The following RCAN3 variants were observed in gnomAD, a reference collection of about 807,000 sequenced individuals.
RCAN3 encodes the protein calcipressin-3.
RCAN3 carries 19 observed loss-of-function variants against 21.9 expected under a neutral mutation model. The ratio of observed to expected loss-of-function variants is 0.87; its 90% CI spans 0.61 to 1.27. The LOEUF (loss-of-function observed/expected upper bound fraction) is 1.27, where lower values mean the gene tolerates loss of function less well. RCAN3 is among the 50% of genes most tolerant of loss of function. RCAN3 has a pLI of 0.00. For missense variants in RCAN3, 240 were observed against 300.1 expected, an observed-to-expected ratio of 0.80 and a Z score of 1.48; for synonymous variants, 114 against 112.3, an observed-to-expected ratio of 1.01 and a Z score of -0.09.
At chr1:24,504,707 A>G (rs893771520) in intron 1 of RCAN3, among the ~76,000 whole-genome samples, 2 of 152,208 alleles carry the variant, frequency 1.3e-5, no homozygotes, top group Non-Finnish European at 2.9e-5. Context: ...TCTAAAGTTC[A>G]ACACCGTTTG....
chr1:24,534,582 G>A (rs1236165794), intron 4 of RCAN3, among the ~76,000 whole-genome samples: 2 of 151,294 alleles, frequency 1.3e-5, no homozygotes, highest in African/African-American at 4.9e-5. Context: ...ACTCCAGCCT[G>A]GGCGACAGAG....
rs1216013428 is a variant in RCAN3, at chr1:24,535,855, G to A, written c.*578G>A. The A allele has an allele frequency of 6.6e-6, 1 of 152,164 alleles. No individual in the cohort carries two copies. Among genetic ancestry groups the A allele is most frequent in the East Asian group, 1.9e-4 (1 of 5,204 alleles). 9.4% of individuals were successfully genotyped at this position (152,164 alleles called of 1,614,324 possible). ...AAGTATTTGTTCAATTAGCTTTGGG[G>A]AAGAAATGCCAAATCCACTTTGAGG... is the stretch of plus-strand genomic sequence containing the variant. On this transcript the variant is annotated 3_prime_UTR_variant, in exon 5 of 5. Coordinates refer to ENST00000374395, the MANE Select transcript of RCAN3 (RefSeq NM_013441.4).
intron 1 of RCAN3, among the ~76,000 whole-genome samples, chr1:24,508,115 A>G (rs1482472605): frequency 6.7e-6 from 1 of 150,072 alleles, no homozygotes; most frequent in Non-Finnish European, 1.5e-5. Context: ...ACTCCGTCTC[A>G]AAAAAAAAAG....
chr1:24,518,075 A>G (rs1648484574), intron 2 of RCAN3, among the ~76,000 whole-genome samples: 1 of 152,174 alleles, frequency 6.6e-6, no homozygotes, highest in South Asian at 2.1e-4. Flanking sequence ...CCATAGTCCC[A>G]GCACTTTGGG....
rs139006708 is a variant in RCAN3 at position 24,518,496 on chromosome 1, G to A, written c.195+3929G>A. On this transcript the variant is annotated intron_variant, in intron 2 of 4. Coordinates refer to ENST00000374395, the MANE Select transcript of RCAN3 (RefSeq NM_013441.4). Reference sequence around the variant, plus strand: ...TAATCAATAGCTCCATCAGGAGTGCGACAGGCTTAGTGCTTCATTTTTCTT... The same window carrying A: ...TAATCAATAGCTCCATCAGGAGTGCAACAGGCTTAGTGCTTCATTTTTCTT... Among the ~76,000 whole-genome samples the A allele has an allele frequency of 3.0e-3, 459 of 152,230 alleles. 1 individual carries two copies. Among genetic ancestry groups the A allele is most frequent in the African/African-American group, 0.01 (434 of 41,558 alleles).
At chr1:24,520,494 A>C in intron 2 of RCAN3, among the ~76,000 whole-genome samples, 1 of 152,196 alleles carries the variant, frequency 6.6e-6, no homozygotes, top group East Asian at 1.9e-4. Context: ...GTGGAATACT[A>C]TGCAGCCATA....
intron 1 of RCAN3, among the ~76,000 whole-genome samples, chr1:24,509,201 T>C (rs1439693696): frequency 6.6e-6 from 1 of 152,188 alleles, no homozygotes; most frequent in East Asian, 1.9e-4. Context: ...GTAATCTTTT[T>C]GTTGGTGGAA....
rs1371952911 is a variant in RCAN3, at chr1:24,509,099, CTACA to C, written c.-59-5214_-59-5211del. Among the ~76,000 whole-genome samples, 8 of 152,220 alleles carry C rather than the reference CTACA, an allele frequency of 5.3e-5. No individual in the cohort carries two copies. In the South Asian group the frequency reaches 1.5e-3, roughly 28 times the overall value. On this transcript the variant is annotated intron_variant, in intron 1 of 4. Transcript: ENST00000374395. ...TCACCTGAGCATGGGAAGGTCAAGG[CTACA>C]GTGAACATGATCACGCCACTGCACT...
chr1:24,508,814 A>G (rs1194370259), intron 1 of RCAN3, among the ~76,000 whole-genome samples: 1 of 152,242 alleles, frequency 6.6e-6, no homozygotes, highest in Non-Finnish European at 1.5e-5. Flanking sequence ...GCAATAGCAT[A>G]TGTCTTAAAA....
At position 24,533,083 on chromosome 1, in the gene RCAN3, G is replaced by T. The variant is rs974614763; in HGVS notation, c.370G>T (p.Val124Leu). Residue 124 changes from valine to leucine, a missense_variant and splice_region_variant, in exon 4 of 5, where the codon GTG becomes TTG. Val to Leu is a conservative substitution (Grantham distance 32). Coordinates refer to ENST00000374395, the MANE Select transcript of RCAN3 (RefSeq NM_013441.4). ...GCTTTGAGCGTCTCGCTCCCTGCAG[G>T]TGCAGATGTCCGGCGAAGTGCGGGA... is the stretch of plus-strand genomic sequence containing the variant. Reference protein sequence around the residue: ...GQKLKLYFAQVQMSGEVRDKS... With the variant: ...GQKLKLYFAQLQMSGEVRDKS... 6 of 1,460,566 alleles carry T rather than the reference G, an allele frequency of 4.1e-6. No homozygotes were observed. The highest frequency in any genetic ancestry group is 4.5e-6 in the Non-Finnish European group (5 of 1,105,174). The allele number at this position is 1,460,566 out of a possible 1,614,324, so 90.5% of individuals were successfully genotyped here. A position where few individuals can be genotyped will look rare whatever the true frequency, so the allele number is the denominator to read the frequency against.
rs1385018165 is a variant in RCAN3 at position 24,531,473 on chromosome 1, T to G, written c.369+82T>G. On this transcript the variant is annotated intron_variant, in intron 3 of 4. Coordinates refer to ENST00000374395, the MANE Select transcript of RCAN3 (RefSeq NM_013441.4). ...TATTTTTATTTCACCGTTTTCTATA[T>G]TATTATAGCAGAGGTGTGTAGAGTG... 1.1e-4 allele frequency: 117 copies of G among 1,077,642 alleles called. No homozygotes were observed. The Admixed American group carries it at 3.3e-3, about 31-fold the overall frequency. The allele number at this position is 1,077,642 out of a possible 1,614,324, so 66.8% of individuals were successfully genotyped here.
chr1:24,538,571 A>ATTTTTTTTTT lies in RCAN3; in HGVS notation c.*3305_*3314dup, dbSNP rs34827408. On this transcript the variant is annotated 3_prime_UTR_variant, in exon 5 of 5. Coordinates refer to ENST00000374395, the MANE Select transcript of RCAN3 (RefSeq NM_013441.4). ...AGGCGCCCGCTCCCACGCCCGGCTA[A>ATTTTTTTTTT]TTTTTTTTTTTTTTTTTTTTATAAG... 8.6e-5 allele frequency: 11 copies of ATTTTTTTTTT among 127,532 alleles called. No homozygotes were observed. Among genetic ancestry groups the ATTTTTTTTTT allele is most frequent in the African/African-American group, 3.5e-4 (11 of 31,640 alleles). 7.9% of individuals were successfully genotyped at this position (127,532 alleles called of 1,614,324 possible).
intron 2 of RCAN3, among the ~76,000 whole-genome samples, chr1:24,527,807 C>T (rs1341906140): frequency 1.3e-5 from 2 of 152,112 alleles, no homozygotes; most frequent in Non-Finnish European, 2.9e-5. Context: ...AAACTATTGC[C>T]TAAATATGTT....
rs138939816 is a variant in RCAN3 at position 24,539,858 on chromosome 1, G to C, written c.*4581G>C. ...TCCTTCTTCCTTTTTTTGCACATTT[G>C]CATTTATATCTTCCTGTACTAAAAG... On this transcript the variant is annotated 3_prime_UTR_variant, in exon 5 of 5. Transcript: ENST00000374395. 2 of 152,182 alleles carry C rather than the reference G, an allele frequency of 1.3e-5. No individual in the cohort carries two copies. Among genetic ancestry groups the C allele is most frequent in the African/African-American group, 4.8e-5 (2 of 41,530 alleles). The allele number at this position is 152,182 out of a possible 1,614,324, so 9.4% of individuals were successfully genotyped here.
rs1230310647 is a variant in RCAN3, at chr1:24,541,015, T to C, written c.*5738T>C. ...GTTCTGTTTTTAAAACGAATACAAATAAAGTTAGTAACTATTTTTAAATCA... is the reference window on the plus strand; with the variant it reads ...GTTCTGTTTTTAAAACGAATACAAACAAAGTTAGTAACTATTTTTAAATCA... On this transcript the variant is annotated 3_prime_UTR_variant, in exon 5 of 5. Coordinates refer to ENST00000374395, the MANE Select transcript of RCAN3 (RefSeq NM_013441.4). The C allele has an allele frequency of 6.6e-6, 1 of 152,228 alleles. No homozygotes were observed. Among genetic ancestry groups the C allele is most frequent in the Non-Finnish European group, 1.5e-5 (1 of 68,036 alleles). The allele number at this position is 152,228 out of a possible 1,614,324, so 9.4% of individuals were successfully genotyped here. A position where few individuals can be genotyped will look rare whatever the true frequency, so the allele number is the denominator to read the frequency against.
rs1648138590 is a variant in RCAN3, at chr1:24,514,537, T to C, written c.165T>C (p.His55=). 35 of 1,614,176 alleles carry C rather than the reference T, an allele frequency of 2.2e-5. No individual in the cohort carries two copies. Among genetic ancestry groups the C allele is most frequent in the Non-Finnish European group, 2.9e-5 (34 of 1,180,016 alleles). The change falls in exon 2 of 5, where the codon CAT becomes CAC. Residue 55 remains histidine (H), a synonymous_variant. Transcript: ENST00000374395. ...LPTSLFACSV[H]EAVFEAREQK... ...CCTCACTTTTTGCTTGCAGCGTCCA[T>C]GAAGCAGTGTTTGAGGCACGAGAGC...
At chr1:24,505,964 G>C (rs1647403468) in intron 1 of RCAN3, among the ~76,000 whole-genome samples, 1 of 152,230 alleles carries the variant, frequency 6.6e-6, no homozygotes, top group Admixed American at 6.5e-5. Context: ...TCACAGGCCT[G>C]TTGTGGCAGA....
In RCAN3 at chr1:24,531,377, C is replaced by G. The variant is rs779190932; in HGVS notation, c.355C>G (p.Leu119Val). Reference protein sequence around the residue: ...ETDFNGQKLKLYFAQVQMSGE... With the variant: ...ETDFNGQKLKVYFAQVQMSGE... ...AGACTTCAATGGGCAGAAGCTAAAG[C>G]TATATTTTGCACAGGTACTTCACCG... The change falls in exon 3 of 5, where the codon CTA becomes GTA. Residue 119 changes from leucine (L) to valine (V), a missense_variant. By Grantham distance (32) the Leu-to-Val change is conservative. Transcript: ENST00000374395. 2.5e-6 allele frequency: 4 copies of G among 1,610,952 alleles called. No individual in the cohort carries two copies. The South Asian group carries it at 4.4e-5, about 18-fold the overall frequency.
intron 2 of RCAN3, among the ~76,000 whole-genome samples, chr1:24,522,511 G>C (rs1209409427): frequency 6.6e-6 from 1 of 152,266 alleles, no homozygotes; most frequent in Non-Finnish European, 1.5e-5. Flanking sequence ...GTTCTTACTG[G>C]CTCCCCAGCA....
Sources: allele counts gnomAD v4.1 joint callset (sites outside exome capture counted in the v4.1 genomes callset), GRCh38; gene constraint gnomAD v4.1.1; transcripts MANE v1.5; gene names NCBI Gene and HGNC (gene_info 2026-07-23, HGNC 2026-07-21).